The following THOP1 variants were observed in gnomAD, a reference collection of about 807,000 sequenced individuals.
THOP1 encodes thimet oligopeptidase 1, also known as thimet oligopeptidase.
Under a neutral mutation model 71.8 loss-of-function variants are expected in THOP1, and 49 were observed. The ratio of observed to expected loss-of-function variants is 0.68; its 90% CI spans 0.54 to 0.87. THOP1 has a LOEUF of 0.87. Ranked by LOEUF, THOP1 falls within the 40% of genes least tolerant of loss-of-function variation. The pLI is 0.00. For missense variants in THOP1, 843 were observed against 975.6 expected (o/e 0.86, Z 1.81); for synonymous variants, 426 against 421.5 (o/e 1.01, Z -0.13).
At chr19:2,803,594 G>A (rs982901391) in intron 5 of THOP1, among the ~76,000 whole-genome samples, 4 of 152,182 alleles carry the variant, frequency 2.6e-5, no homozygotes, top group Admixed American at 6.5e-5. Flanking sequence ...ACCGCCAGCC[G>A]TCACTCCTGG....
Position 2,805,285 on chromosome 19 carries a change from C to A in THOP1, c.750+109C>A. 7.6e-7 allele frequency: 1 copy of A among 1,319,314 alleles called. No homozygotes were observed. The highest frequency in any genetic ancestry group is 1.0e-6 in the Non-Finnish European group (1 of 982,680). 81.7% of individuals were successfully genotyped at this position (1,319,314 alleles called of 1,614,324 possible). ...CAGGCTTTGCACTTGGATGGCCTCC[C>A]AATCTCCCTGGCCAGGCCCAGTGGC... On this transcript the variant is annotated intron_variant, in intron 6 of 12. Coordinates refer to ENST00000307741, the MANE Select transcript of THOP1 (RefSeq NM_003249.5). The surrounding 1 kb of genome is among the most constrained non-coding windows in gnomAD (Gnocchi z 6.6).
chr19:2,806,764 A>G lies in THOP1; in HGVS notation c.751-153A>G, dbSNP rs116610011. On this transcript the variant is annotated intron_variant, in intron 6 of 12. Transcript: ENST00000307741. The stretch of plus-strand genomic sequence containing the variant: ...TTATGATAACGCTGGTGGCATGACC[A>G]GAGGAGTTGTGTAGTAACACAGGCC... The G allele has an allele frequency of 6.6e-4, 871 of 1,317,992 alleles. 2 individuals are homozygous for G. In the African/African-American group the frequency reaches 0.011, roughly 17 times the overall value. The allele number at this position is 1,317,992 out of a possible 1,614,324, so 81.6% of individuals were successfully genotyped here. A position where few individuals can be genotyped will look rare whatever the true frequency, so the allele number is the denominator to read the frequency against.
At chr19:2,811,755 G>C in intron 12 of THOP1, 21 bp downstream of exon 12, 1 of 1,566,772 alleles carries the variant, frequency 6.4e-7, no homozygotes, top group East Asian at 2.3e-5. Flanking sequence ...ACTGGGGACA[G>C]GGAGGGCGTC....
chr19:2,794,998 A>AT (rs1915980257), intron 3 of THOP1, 86 bp downstream of exon 3: 2 of 1,503,126 alleles, frequency 1.3e-6, no homozygotes, highest in Non-Finnish European at 1.8e-6. Flanking sequence ...TAATTTTTGT[A>AT]TTTTTAGTAG....
chr19:2,792,685 C>T (rs1239440123), intron 2 of THOP1, among the ~76,000 whole-genome samples: 1 of 150,980 alleles, frequency 6.6e-6, no homozygotes, highest in South Asian at 2.1e-4. Context: ...GAATGAGTCT[C>T]GCTCTGTCAC....
Position 2,801,695 on chromosome 19 carries a change from G to A in THOP1, c.589+1904G>A, listed in dbSNP as rs574391625. On this transcript the variant is annotated intron_variant, in intron 5 of 12. Transcript: ENST00000307741. The surrounding 1 kb of genome is among the most constrained non-coding windows in gnomAD (Gnocchi z 5.1). ...TCTGGAGGCTGAGAAGTCCCAGGTC[G>A]AGGGGCCATATCTGGCCAGGGCCTT... Among the ~76,000 whole-genome samples, 6 of 152,146 alleles carry A rather than the reference G, an allele frequency of 3.9e-5. No homozygotes were observed. The South Asian group carries it at 8.3e-4, about 21-fold the overall frequency.
chr19:2,802,210 C>T (rs554782012), intron 5 of THOP1, among the ~76,000 whole-genome samples: 9 of 151,620 alleles, frequency 5.9e-5, no homozygotes, highest in East Asian at 1.9e-4. Flanking sequence ...CCTCCACCTC[C>T]GGACACCCCC....
chr19:2,803,974 C>T (rs544392069), intron 5 of THOP1, among the ~76,000 whole-genome samples: 8 of 151,986 alleles, frequency 5.3e-5, no homozygotes, highest in South Asian at 4.2e-4. Context: ...CCACCCTGAC[C>T]GCCCTGGGGT....
At chr19:2,812,265 C>G in intron 12 of THOP1, 2 of 1,535,276 alleles carry the variant, frequency 1.3e-6, no homozygotes, top group South Asian at 1.2e-5. Context: ...TTGGTGTGAC[C>G]CAGGCTCGGG....
At chr19:2,791,398 C>T (rs1455545768) in intron 2 of THOP1, among the ~76,000 whole-genome samples, 2 of 117,028 alleles carry the variant, frequency 1.7e-5, no homozygotes, top group Non-Finnish European at 3.2e-5. Context: ...CCCAGGGCTT[C>T]TCTCGTGTTC....
At chr19:2,789,176 C>T (rs538262081) in intron 1 of THOP1, among the ~76,000 whole-genome samples, 2 of 152,162 alleles carry the variant, frequency 1.3e-5, no homozygotes, top group Non-Finnish European at 2.9e-5. Context: ...TGTTTGTTGG[C>T]CCCCTGGGTC....
At chr19:2,799,269 G>A (rs1916087364) in intron 4 of THOP1, among the ~76,000 whole-genome samples, 1 of 152,214 alleles carries the variant, frequency 6.6e-6, no homozygotes, top group Non-Finnish European at 1.5e-5. Context: ...AGGCTGCAGT[G>A]AGTCGAGATC....
intron 12 of THOP1, chr19:2,812,019 C>A (rs1916489012): frequency 1.9e-6 from 2 of 1,033,074 alleles, no homozygotes; most frequent in Non-Finnish European, 2.7e-6. Flanking sequence ...CCTCCCTGGG[C>A]CCTGCAGGAA....
chr19:2,801,365 C>T lies in THOP1; in HGVS notation c.589+1574C>T, dbSNP rs986756312. 2.0e-5 allele frequency among the ~76,000 whole-genome samples: 3 copies of T among 152,206 alleles called. No homozygotes were observed. The highest frequency in any genetic ancestry group is 4.8e-5 in the African/African-American group (2 of 41,446). On this transcript the variant is annotated intron_variant, in intron 5 of 12. Transcript: ENST00000307741. This position sits in a 1 kb window ranked among gnomAD's most constrained non-coding sequence, Gnocchi z 5.1. ...CTTTTCACGTTTGCCATCCTGCAAA[C>T]TCGAATGTTTGTGGATTTTGGTGTC...
At chr19:2,796,741 G>A (rs370863899) in intron 4 of THOP1, among the ~76,000 whole-genome samples, 2 of 152,056 alleles carry the variant, frequency 1.3e-5, no homozygotes, top group African/African-American at 2.4e-5. Flanking sequence ...CCTCGGGAGC[G>A]TCCCCCCTTC....
chr19:2,810,597 G>A (rs762598817), intron 10 of THOP1, 43 bp from the exon 11 acceptor site: 18 of 1,537,386 alleles, frequency 1.2e-5, no homozygotes, highest in African/African-American at 2.7e-5. Flanking sequence ...AGAGTGGGCC[G>A]GGGCAGGTGC....
chr19:2,810,703 A>T lies in THOP1; in HGVS notation c.1706A>T (p.Asp569Val). 6.3e-7 allele frequency: 1 copy of T among 1,580,238 alleles called. No homozygotes were observed. The highest frequency in any genetic ancestry group is 8.6e-7 in the Non-Finnish European group (1 of 1,162,768). The stretch of plus-strand genomic sequence containing the variant: ...GACCAGGCCCTGCACACGCAGACGG[A>T]CGCAGACCCCGCCGAGGAGTATGCG... ...KVDQALHTQT[D>V]ADPAEEYARL... The change falls in exon 11 of 13, where the codon GAC (aspartate) becomes GTC (valine). Residue 569 changes from aspartate to valine, a missense_variant. By Grantham distance (152) the Asp-to-Val change is radical (BLOSUM62 -3). Transcript: ENST00000307741.
intron 4 of THOP1, among the ~76,000 whole-genome samples, chr19:2,797,520 C>T (rs1271511214): frequency 6.6e-6 from 1 of 152,268 alleles, no homozygotes; most frequent in African/African-American, 2.4e-5. Context: ...TGCAATGACG[C>T]AGGCAAACTG....
At chr19:2,789,195 A>C (rs920265122) in intron 1 of THOP1, among the ~76,000 whole-genome samples, 1 of 151,872 alleles carries the variant, frequency 6.6e-6, no homozygotes, top group Non-Finnish European at 1.5e-5. Flanking sequence ...TCCTCTGCAG[A>C]ACTGTTTGCT....
Sources: allele counts gnomAD v4.1 joint callset (sites outside exome capture counted in the v4.1 genomes callset), GRCh38; gene constraint gnomAD v4.1.1; non-coding constraint Gnocchi (gnomAD v3.1); transcripts MANE v1.5; gene names NCBI Gene and HGNC (gene_info 2026-07-23, HGNC 2026-07-21).